The following NTRK2 variants were observed in gnomAD, a reference collection of about 807,000 sequenced individuals.
NTRK2 encodes neurotrophic receptor tyrosine kinase 2, also known as BDNF/NT-3 growth factors receptor.
NTRK2 carries 13 observed loss-of-function variants against 94.5 expected under a neutral mutation model. That is an observed-to-expected ratio of 0.14 (90% CI 0.09 to 0.22). The LOEUF (loss-of-function observed/expected upper bound fraction) is 0.22, where lower values mean the gene tolerates loss of function less well. Among genes scored for constraint, NTRK2 ranks in the 10% least tolerant of loss-of-function variants. NTRK2 has a pLI of 1.00. For missense variants in NTRK2, 639 were observed against 1,071.2 expected, an observed-to-expected ratio of 0.60 and a Z score of 5.63; for synonymous variants, 372 against 407.4, an observed-to-expected ratio of 0.91 and a Z score of 1.05.
chr9:85,008,802 C>G (rs1831252418), intron 17 of NTRK2, among the ~76,000 whole-genome samples: 1 of 152,172 alleles, frequency 6.6e-6, no homozygotes, highest in South Asian at 2.1e-4. Context: ...TGCAGTGGAG[C>G]AGGACTGTGT....
chr9:84,704,036 T>C (rs1234887449), intron 4 of NTRK2, among the ~76,000 whole-genome samples: 3 of 152,180 alleles, frequency 2.0e-5, no homozygotes, highest in Non-Finnish European at 4.4e-5. Flanking sequence ...TTTTACTGGC[T>C]CTTTTATCAC....
intron 14 of NTRK2, among the ~76,000 whole-genome samples, chr9:84,910,537 C>T (rs1298261378): frequency 1.3e-5 from 2 of 152,178 alleles, no homozygotes; most frequent in African/African-American, 4.8e-5. Flanking sequence ...CCAGAGTGAT[C>T]TGATCTTAGA....
intron 14 of NTRK2, among the ~76,000 whole-genome samples, chr9:84,891,671 A>G (rs2076599678): frequency 6.6e-6 from 1 of 152,200 alleles, no homozygotes; most frequent in Admixed American, 6.5e-5. Context: ...ACAGATGGTT[A>G]GTCCACATAT....
chr9:84,770,314 T>C (rs1391830722), intron 12 of NTRK2, among the ~76,000 whole-genome samples: 1 of 152,158 alleles, frequency 6.6e-6, no homozygotes, highest in Non-Finnish European at 1.5e-5. Flanking sequence ...GTCTTAAGAC[T>C]GGGCAAACTC....
At chr9:84,788,423 C>T (rs1437938146) in intron 12 of NTRK2, among the ~76,000 whole-genome samples, 1 of 152,144 alleles carries the variant, frequency 6.6e-6, no homozygotes, top group Non-Finnish European at 1.5e-5. Context: ...GGTGAGTTTG[C>T]TGAAAAGCAA....
At chr9:84,998,650 T>C (rs2133384064) in intron 17 of NTRK2, among the ~76,000 whole-genome samples, 1 of 152,298 alleles carries the variant, frequency 6.6e-6, no homozygotes, top group East Asian at 1.9e-4. Flanking sequence ...CATGCTTGCA[T>C]CTCTGGCATT....
rs1339212611 is a variant in NTRK2 at position 85,021,667 on chromosome 9, G to T, written c.*230G>T. ...CTCTTTCTCTCTTTCCATCTCCCTT[G>T]GTTGTTCCTTTTTCTTTTTTTAAAT... On this transcript the variant is annotated 3_prime_UTR_variant, in exon 19 of 19. Transcript: ENST00000277120. 50 of 559,744 alleles carry T rather than the reference G, an allele frequency of 8.9e-5. No individual in the cohort carries two copies. Among genetic ancestry groups the T allele is most frequent in the South Asian group, 2.5e-4 (11 of 43,226 alleles). The allele number at this position is 559,744 out of a possible 1,614,324, so 34.7% of individuals were successfully genotyped here.
At chr9:84,833,799 CT>C (rs974551959) in intron 12 of NTRK2, among the ~76,000 whole-genome samples, 12 of 152,188 alleles carry the variant, frequency 7.9e-5, no homozygotes, top group African/African-American at 2.7e-4. Context: ...CTCACTGACA[CT>C]TTATTTCTTA....
chr9:85,007,355 G>A (rs1162211871), intron 17 of NTRK2, among the ~76,000 whole-genome samples: 1 of 152,202 alleles, frequency 6.6e-6, no homozygotes, highest in Non-Finnish European at 1.5e-5. Context: ...GACCCTGCAA[G>A]GAAAGGACAG....
intron 9 of NTRK2, among the ~76,000 whole-genome samples, chr9:84,735,274 T>C (rs1187580839): frequency 6.6e-6 from 1 of 152,066 alleles, no homozygotes; most frequent in Non-Finnish European, 1.5e-5. Context: ...TCTCAGTGAG[T>C]TGTTAAATCA....
chr9:84,988,766 A>G (rs1351149783), intron 17 of NTRK2, among the ~76,000 whole-genome samples: 1 of 152,240 alleles, frequency 6.6e-6, no homozygotes, highest in East Asian at 1.9e-4. Flanking sequence ...AGGACCTTGG[A>G]AGGCAGGCAG....
At chr9:85,017,796 G>A (rs1832391432) in intron 17 of NTRK2, among the ~76,000 whole-genome samples, 1 of 152,128 alleles carries the variant, frequency 6.6e-6, no homozygotes, top group Non-Finnish European at 1.5e-5. Context: ...ACTTCTCTAA[G>A]CCCACTTTGA....
chr9:84,956,472 G>A lies in NTRK2; in HGVS notation c.2172+955G>A, dbSNP rs531932971. Among the ~76,000 whole-genome samples, 7 of 152,202 alleles carry A rather than the reference G, an allele frequency of 4.6e-5. 1 individual carries two copies. The South Asian group carries it at 1.2e-3, about 27-fold the overall frequency. The stretch of plus-strand genomic sequence containing the variant: ...GTTGTGATATTTAGAGTGAAGATTC[G>A]GGGTGGTGTTCTACCACTTTGATTT... On this transcript the variant is annotated intron_variant, in intron 17 of 18. Transcript: ENST00000277120.
rs536969360 is a variant in NTRK2 at position 84,748,421 on chromosome 9, G to T, written c.1296+3348G>T. On this transcript the variant is annotated intron_variant, in intron 11 of 18. Transcript: ENST00000277120. ...GAGCCCACTTCCCATTTTCTAGGTT[G>T]ACTTACACATTCTATAACTAGGCAG... is the stretch of plus-strand genomic sequence containing the variant. Among the ~76,000 whole-genome samples the T allele has an allele frequency of 5.9e-5, 9 of 152,342 alleles. No individual in the cohort carries two copies. The South Asian group carries it at 1.5e-3, about 25-fold the overall frequency.
At chr9:84,941,868 TATTATTGCAA>T (rs2078421311) in intron 15 of NTRK2, among the ~76,000 whole-genome samples, 1 of 152,222 alleles carries the variant, frequency 6.6e-6, no homozygotes, top group Admixed American at 6.5e-5. Flanking sequence ...TTATCCACCA[TATTATTGCAA>T]ATAGTTTAAA....
chr9:84,935,247 A>G (rs576916708), intron 15 of NTRK2, among the ~76,000 whole-genome samples: 3 of 152,296 alleles, frequency 2.0e-5, no homozygotes, highest in Admixed American at 1.3e-4. Context: ...ATTTTTACAA[A>G]TGGCATTTAT....
intron 12 of NTRK2, among the ~76,000 whole-genome samples, chr9:84,766,511 T>C (rs2066039941): frequency 6.6e-6 from 1 of 152,112 alleles, no homozygotes; most frequent in Admixed American, 6.5e-5. Context: ...AATGATGTAT[T>C]AAATTAATTT....
chr9:84,848,468 T>C (rs2074582626), intron 12 of NTRK2, among the ~76,000 whole-genome samples: 1 of 152,168 alleles, frequency 6.6e-6, no homozygotes, highest in Admixed American at 6.6e-5. Context: ...GTTGTTTCTA[T>C]TTACCAACTA....
intron 12 of NTRK2, among the ~76,000 whole-genome samples, chr9:84,836,901 A>G (rs2073902131): frequency 1.3e-5 from 2 of 149,732 alleles, no homozygotes; most frequent in East Asian, 3.9e-4. Flanking sequence ...GGATTTCAAA[A>G]GTGCAGATAA....
Sources: allele counts gnomAD v4.1 joint callset (sites outside exome capture counted in the v4.1 genomes callset), GRCh38; gene constraint gnomAD v4.1.1; transcripts MANE v1.5; gene names NCBI Gene and HGNC (gene_info 2026-07-23, HGNC 2026-07-21).